Variants in RUNX2 observed in about 807,000 individuals in gnomAD.
The protein encoded by RUNX2 is runt-related transcription factor 2.
In RUNX2, 10 loss-of-function variants were observed where a neutral mutation model predicts 51.7. The observed-to-expected ratio is 0.19, with a 90% CI of 0.12 to 0.33. RUNX2 has a LOEUF of 0.33. Among genes scored for constraint, RUNX2 ranks in the 10% least tolerant of loss-of-function variants. The pLI is 1.00. For synonymous variants in RUNX2, 276 were observed against 273.6 expected, an observed-to-expected ratio of 1.01 and a Z score of -0.09; for missense variants, 562 against 691.3, an observed-to-expected ratio of 0.81 and a Z score of 2.10.
chr6:45,491,191 A>G (rs1198327718), intron 5 of RUNX2, among the ~76,000 whole-genome samples: 3 of 152,238 alleles, frequency 2.0e-5, no homozygotes, highest in Admixed American at 6.5e-5. Context: ...TGTCACAGTC[A>G]CATGTTTACT....
intron 3 of RUNX2, among the ~76,000 whole-genome samples, chr6:45,428,668 A>C (rs751409659): frequency 2.8e-4 from 43 of 152,190 alleles, no homozygotes; most frequent in Admixed American, 5.2e-4. Context: ...GCTTAAGCAC[A>C]GTAAAATGGA....
chr6:45,338,285 G>T (rs1211203286), intron 2 of RUNX2, among the ~76,000 whole-genome samples: 1 of 151,854 alleles, frequency 6.6e-6, no homozygotes, highest in African/African-American at 2.4e-5. Flanking sequence ...TACTTTCACT[G>T]CAGATTGTTC....
At chr6:45,471,447 CTTT>C (rs779430509) in intron 5 of RUNX2, among the ~76,000 whole-genome samples, 2 of 139,224 alleles carry the variant, frequency 1.4e-5, no homozygotes, top group Non-Finnish European at 1.6e-5. Context: ...TTCTTTCTTT[CTTT>C]TTTTTTTTTT....
chr6:45,451,231 G>C (rs1413845982), intron 5 of RUNX2, among the ~76,000 whole-genome samples: 2 of 152,162 alleles, frequency 1.3e-5, no homozygotes, highest in Non-Finnish European at 2.9e-5. Flanking sequence ...AGGAGGTGGA[G>C]GGGGAATGGC....
At chr6:45,381,410 A>G (rs535680467) in intron 2 of RUNX2, among the ~76,000 whole-genome samples, 3 of 152,308 alleles carry the variant, frequency 2.0e-5, no homozygotes, top group East Asian at 3.9e-4. Flanking sequence ...AAAAATTACA[A>G]AAGTATTCAG....
chr6:45,391,541 T>C (rs1334501314), intron 2 of RUNX2, among the ~76,000 whole-genome samples: 1 of 152,138 alleles, frequency 6.6e-6, no homozygotes, highest in Non-Finnish European at 1.5e-5. Context: ...ACACAATGTA[T>C]TAGTCTGTTT....
intron 7 of RUNX2, among the ~76,000 whole-genome samples, chr6:45,535,472 C>A (rs1044766811): frequency 6.6e-6 from 1 of 151,820 alleles, no homozygotes; most frequent in Admixed American, 6.6e-5. Flanking sequence ...GGCGTGGTGG[C>A]GGGTGCCTGT....
At chr6:45,333,761 G>C (rs1301039333) in intron 2 of RUNX2, among the ~76,000 whole-genome samples, 1 of 151,112 alleles carries the variant, frequency 6.6e-6, no homozygotes, top group Non-Finnish European at 1.5e-5. Flanking sequence ...AATACATGAA[G>C]AGAAAAAAAT....
rs398048486 is a variant in RUNX2, at chr6:45,399,349, C to CTTTTTTTTTTTTTTTTT, written c.59-23232_59-23216dup. Among the ~76,000 whole-genome samples, 15 of 57,346 alleles carry CTTTTTTTTTTTTTTTTT rather than the reference C, an allele frequency of 2.6e-4. 2 individuals carry two copies. Among genetic ancestry groups the CTTTTTTTTTTTTTTTTT allele is most frequent in the Non-Finnish European group, 5.2e-4 (15 of 29,036 alleles). 37.6% of individuals were successfully genotyped at this position (57,346 alleles called of 152,430 possible). On this transcript the variant is annotated intron_variant, in intron 2 of 8. Coordinates refer to ENST00000647337, the MANE Select transcript of RUNX2 (RefSeq NM_001024630.4). Reference sequence around the variant, plus strand: ...CTTTCTCATTTCTTTCTTTTCTTTCCTTTTTTTTTTTTTTTTTTTTTTTTT... The same window carrying CTTTTTTTTTTTTTTTTT: ...CTTTCTCATTTCTTTCTTTTCTTTCCTTTTTTTTTTTTTTTTTTTTTTTTTTTTTTTTTTTTTTTTTT...
intron 5 of RUNX2, among the ~76,000 whole-genome samples, chr6:45,451,845 C>A (rs1038761709): frequency 1.2e-4 from 18 of 152,262 alleles, no homozygotes; most frequent in Middle Eastern, 3.4e-3. Context: ...AAAGTGCCAC[C>A]TTTCTGCTTT....
At chr6:45,372,595 A>G (rs1213882255) in intron 2 of RUNX2, among the ~76,000 whole-genome samples, 1 of 152,194 alleles carries the variant, frequency 6.6e-6, no homozygotes. Flanking sequence ...AAATTGTTTC[A>G]ATTTACTGTC....
chr6:45,349,103 A>G (rs1346564280), intron 2 of RUNX2, among the ~76,000 whole-genome samples: 1 of 152,204 alleles, frequency 6.6e-6, no homozygotes, highest in East Asian at 1.9e-4. Flanking sequence ...TATAAATGTT[A>G]CTGCCTATAA....
intron 5 of RUNX2, among the ~76,000 whole-genome samples, chr6:45,490,628 A>G (rs6906640): frequency 0.013 from 1,953 of 152,312 alleles, 32 homozygotes; most frequent in African/African-American, 0.04. Context: ...GTTCTGTATT[A>G]AGTGGAAGCT....
intron 3 of RUNX2, among the ~76,000 whole-genome samples, chr6:45,425,828 T>TA (rs1247674128): frequency 6.6e-6 from 1 of 152,172 alleles, no homozygotes; most frequent in Non-Finnish European, 1.5e-5. Context: ...TAGAGCTATG[T>TA]AAAAAATAGA....
intron 5 of RUNX2, among the ~76,000 whole-genome samples, chr6:45,460,941 T>C (rs1799459345): frequency 6.6e-6 from 1 of 152,192 alleles, no homozygotes; most frequent in Non-Finnish European, 1.5e-5. Flanking sequence ...GTAAAAGTCA[T>C]ACTATCCTTA....
intron 5 of RUNX2, among the ~76,000 whole-genome samples, chr6:45,480,601 A>G (rs1057214977): frequency 2.6e-5 from 4 of 152,256 alleles, no homozygotes; most frequent in Non-Finnish European, 5.9e-5. Flanking sequence ...GTTAGAAGAC[A>G]CTGACATGTG....
intron 7 of RUNX2, among the ~76,000 whole-genome samples, chr6:45,513,857 G>T (rs76229473): frequency 2.6e-5 from 4 of 152,168 alleles, no homozygotes; most frequent in Admixed American, 1.3e-4. Context: ...TTAAAGGTAC[G>T]GGAAAGGATG....
chr6:45,343,705 A>G (rs1790293227), intron 2 of RUNX2, among the ~76,000 whole-genome samples: 1 of 152,178 alleles, frequency 6.6e-6, no homozygotes, highest in Admixed American at 6.5e-5. Flanking sequence ...GCTTGTGAAA[A>G]GCCTTGATGA....
At position 45,444,651 on chromosome 6, in the gene RUNX2, G is replaced by A. The variant is rs188910920; in HGVS notation, c.685+6600G>A. 5.3e-5 allele frequency among the ~76,000 whole-genome samples: 8 copies of A among 152,318 alleles called. No homozygotes were observed. In the East Asian group the frequency reaches 1.5e-3, roughly 29 times the overall value. On this transcript the variant is annotated intron_variant, in intron 5 of 8. Coordinates refer to ENST00000647337, the MANE Select transcript of RUNX2 (RefSeq NM_001024630.4). ...TTTTCCTGTTTGCTTATTCTCAGTT[G>A]TGCCCAATTCATCAACAAATCTGTA... is the stretch of plus-strand genomic sequence containing the variant.
Sources: gnomAD v4.1 joint callset for allele counts (sites outside exome capture counted in the v4.1 genomes callset) on GRCh38, gnomAD v4.1.1 for gene constraint, MANE v1.5 for transcripts, NCBI Gene and HGNC (gene_info 2026-07-23, HGNC 2026-07-21) for gene names.